The following CFAP58 variants were observed in gnomAD, a reference collection of about 807,000 sequenced individuals.
The protein encoded by CFAP58 is cilia- and flagella-associated protein 58.
In CFAP58, 88 loss-of-function variants were observed where a neutral mutation model predicts 119.5. That is an observed-to-expected ratio of 0.74 (90% CI 0.62 to 0.88). The LOEUF (loss-of-function observed/expected upper bound fraction) is 0.88, where lower values mean the gene tolerates loss of function less well. Ranked by LOEUF, CFAP58 falls within the 40% of genes least tolerant of loss-of-function variation. The pLI is 0.00. For missense variants in CFAP58, 990 were observed against 1,021.2 expected, an observed-to-expected ratio of 0.97 and a Z score of 0.42; for synonymous variants, 365 against 366.3, an observed-to-expected ratio of 1.00 and a Z score of 0.04.
intron 15 of CFAP58, among the ~76,000 whole-genome samples, chr10:104,444,843 A>G (rs1268431895): frequency 2.0e-5 from 3 of 152,104 alleles, no homozygotes; most frequent in Non-Finnish European, 4.4e-5. Context: ...TCTTCTACCC[A>G]CCATGAACAC....
At chr10:104,340,456 G>A in the CFAP58 span, among the ~76,000 whole-genome samples, 8 of 152,180 alleles carry the variant, frequency 5.3e-5, 1 homozygote, top group African/African-American at 1.9e-4. Flanking sequence ...TCCTGTCTCA[G>A]AACAGGCAGT....
chr10:104,370,760 CT>C (rs2014811548), intron 6 of CFAP58, 134 bp from the exon 7 acceptor site: 1 of 704,294 alleles, frequency 1.4e-6, no homozygotes, highest in African/African-American at 1.9e-5. Flanking sequence ...ATTGTGTGTG[CT>C]TGATTTAATC....
At chr10:104,413,654 G>A (rs1413207816) in intron 15 of CFAP58, among the ~76,000 whole-genome samples, 2 of 152,116 alleles carry the variant, frequency 1.3e-5, no homozygotes, top group African/African-American at 4.8e-5. Context: ...TCTGTGGGAT[G>A]AGGCAGGTCT....
At chr10:104,396,017 A>G (rs2012146357) in intron 11 of CFAP58, among the ~76,000 whole-genome samples, 1 of 152,104 alleles carries the variant, frequency 6.6e-6, no homozygotes, top group Non-Finnish European at 1.5e-5. Flanking sequence ...ATGCCTGAGG[A>G]TCCTGTACAC....
intron 15 of CFAP58, among the ~76,000 whole-genome samples, chr10:104,407,765 C>T (rs540592365): frequency 1.3e-5 from 2 of 152,138 alleles, no homozygotes; most frequent in Non-Finnish European, 2.9e-5. Context: ...GGCGCCATCT[C>T]GGTTCACTGC....
chr10:104,361,931 C>T, intron 2 of CFAP58, 92 bp from the exon 3 acceptor site: 2 of 1,214,440 alleles, frequency 1.6e-6, no homozygotes, highest in South Asian at 1.4e-5. Context: ...TATATAACTA[C>T]ACTGTGGTCA....
At chr10:104,442,195 T>C (rs1266798632) in intron 15 of CFAP58, among the ~76,000 whole-genome samples, 1 of 152,182 alleles carries the variant, frequency 6.6e-6, no homozygotes, top group Admixed American at 6.5e-5. Context: ...GCCTTTTTTT[T>C]TCAATTCTGG....
intron 9 of CFAP58, among the ~76,000 whole-genome samples, chr10:104,391,810 G>A (rs2012049828): frequency 6.6e-6 from 1 of 152,118 alleles, no homozygotes; most frequent in South Asian, 2.1e-4. Flanking sequence ...TCTTTCTCGT[G>A]GTTAACTTTA....
At chr10:104,381,398 C>A (rs2011799877) in intron 9 of CFAP58, among the ~76,000 whole-genome samples, 1 of 152,084 alleles carries the variant, frequency 6.6e-6, no homozygotes, top group South Asian at 2.1e-4. Context: ...TCATAGATGG[C>A]ATAGAGCAGT....
intron 14 of CFAP58, among the ~76,000 whole-genome samples, chr10:104,404,175 C>T (rs933656079): frequency 9.2e-5 from 14 of 152,156 alleles, no homozygotes; most frequent in Admixed American, 6.5e-5. Context: ...CTTGGATGTT[C>T]GTGGCCTTTA....
the CFAP58 span, among the ~76,000 whole-genome samples, chr10:104,343,373 T>G: frequency 6.6e-6 from 1 of 152,186 alleles, no homozygotes; most frequent in African/African-American, 2.4e-5. Context: ...ATACTCAAGG[T>G]CACATTGCTG....
rs761813856 is a variant in CFAP58 at position 104,380,079 on chromosome 10, G to A, written c.1224G>A (p.Lys408=). 1 of 1,614,108 alleles carries A rather than the reference G, an allele frequency of 6.2e-7. No homozygotes were observed. The highest frequency in any genetic ancestry group is 1.1e-5 in the South Asian group (1 of 91,078). ...NATQKQTDLV[K]LHEQAKRNLE... is the part of the protein sequence containing the mutation. ...CCCAGAAGCAGACAGACTTGGTAAAGCTCCATGAACAAGCCAAGAGGAACC... is the reference window on the plus strand; with the variant it reads ...CCCAGAAGCAGACAGACTTGGTAAAACTCCATGAACAAGCCAAGAGGAACC... The change falls in exon 9 of 18, where the codon AAG becomes AAA. Residue 408 remains lysine (K), a synonymous_variant. Coordinates refer to ENST00000369704, the MANE Select transcript of CFAP58 (RefSeq NM_001008723.2).
chr10:104,398,063 A>G (rs992051551), intron 11 of CFAP58, among the ~76,000 whole-genome samples: 1 of 152,240 alleles, frequency 6.6e-6, no homozygotes, highest in Non-Finnish European at 1.5e-5. Flanking sequence ...TGACTGTTGA[A>G]TGCCCTGCTC....
chr10:104,338,998 TC>T, the CFAP58 span, among the ~76,000 whole-genome samples: 3 of 149,300 alleles, frequency 2.0e-5, no homozygotes, highest in Non-Finnish European at 4.4e-5. Flanking sequence ...AACCTCCGCC[TC>T]CCGGGTTCGA....
intron 15 of CFAP58, among the ~76,000 whole-genome samples, chr10:104,429,651 T>C (rs1195242410): frequency 6.6e-6 from 1 of 152,230 alleles, no homozygotes; most frequent in Non-Finnish European, 1.5e-5. Flanking sequence ...ATTCTTTCAT[T>C]CTGCTAGGTC....
At chr10:104,357,842 TATGTACACATATATAC>T (rs2014572737) in intron 1 of CFAP58, among the ~76,000 whole-genome samples, 1 of 75,488 alleles carries the variant, frequency 1.3e-5, no homozygotes, top group Non-Finnish European at 2.8e-5. Context: ...TATGTACACA[TATGTACACATATATAC>T]ACATATATAC....
intron 1 of CFAP58, among the ~76,000 whole-genome samples, chr10:104,355,692 C>T (rs2014534698): frequency 6.6e-6 from 1 of 152,218 alleles, no homozygotes; most frequent in Non-Finnish European, 1.5e-5. Flanking sequence ...CCTTTCTGAT[C>T]AGTTCACGTT....
chr10:104,428,686 T>C (rs1589932890), intron 15 of CFAP58, among the ~76,000 whole-genome samples: 1 of 152,128 alleles, frequency 6.6e-6, no homozygotes, highest in African/African-American at 2.4e-5. Context: ...CTGGGGATAG[T>C]ATGTGTGGTT....
chr10:104,376,834 G>A lies in CFAP58; in HGVS notation c.1114G>A (p.Ala372Thr). ...AGAGGTAGAGGCTTCAAAGAAACAAGCAGAACTTGACAGAAAGGCAATGGA... is the reference window on the plus strand; with the variant it reads ...AGAGGTAGAGGCTTCAAAGAAACAAACAGAACTTGACAGAAAGGCAATGGA... ...EREVEASKKQAELDRKAMDEL... is the reference protein window; with the variant it reads ...EREVEASKKQTELDRKAMDEL... Residue 372 changes from alanine (A) to threonine (T), a missense_variant, in exon 8 of 18, where the codon GCA (alanine) becomes ACA (threonine). Coordinates refer to ENST00000369704, the MANE Select transcript of CFAP58 (RefSeq NM_001008723.2). 2 of 1,613,486 alleles carry A rather than the reference G, an allele frequency of 1.2e-6. No individual in the cohort carries two copies. Among genetic ancestry groups the A allele is most frequent in the Non-Finnish European group, 1.7e-6 (2 of 1,179,754 alleles).
Sources: gnomAD v4.1 joint callset for allele counts (sites outside exome capture counted in the v4.1 genomes callset) on GRCh38, gnomAD v4.1.1 for gene constraint, MANE v1.5 for transcripts, NCBI Gene and HGNC (gene_info 2026-07-23, HGNC 2026-07-21) for gene names.